The following ELAPOR1 variants were observed in gnomAD, a reference collection of about 807,000 sequenced individuals.
ELAPOR1 encodes the protein endosome-lysosome associated apoptosis and autophagy regulator 1.
ELAPOR1 carries 77 observed loss-of-function variants against 119.7 expected under a neutral mutation model. That is an observed-to-expected ratio of 0.64 (90% CI 0.54 to 0.78). The LOEUF (loss-of-function observed/expected upper bound fraction) is 0.78, where lower values mean the gene tolerates loss of function less well. ELAPOR1 is among the 30% of genes least tolerant of loss of function. The pLI, the probability that ELAPOR1 is intolerant of heterozygous loss-of-function variation, is 0.00. For missense variants in ELAPOR1, 1,115 were observed against 1,270.4 expected (o/e 0.88, Z 1.86); for synonymous variants, 481 against 487.2 (o/e 0.99, Z 0.17).
In ELAPOR1 at chr1:109,203,042, A is replaced by G; in HGVS notation, c.*30A>G. The G allele has an allele frequency of 6.7e-7, 1 of 1,503,142 alleles. No homozygotes were observed. The highest frequency in any genetic ancestry group is 9.2e-7 in the Non-Finnish European group (1 of 1,081,976). 93.1% of individuals were successfully genotyped at this position (1,503,142 alleles called of 1,614,324 possible). On this transcript the variant is annotated 3_prime_UTR_variant, in exon 22 of 22. Transcript: ENST00000369939. ...CACTGCCTGCCTCACCTGCCTCCTC[A>G]CCTTGCATAGCACCTTTGCAAGCCT... is the stretch of plus-strand genomic sequence containing the variant.
chr1:109,137,648 C>T (rs954568785), intron 1 of ELAPOR1, among the ~76,000 whole-genome samples: 1 of 152,036 alleles, frequency 6.6e-6, no homozygotes, highest in Non-Finnish European at 1.5e-5. Context: ...CTGCCTCAGC[C>T]TTCCTAAGTA....
chr1:109,194,084 G>A (rs1653621675), intron 14 of ELAPOR1, among the ~76,000 whole-genome samples: 1 of 152,130 alleles, frequency 6.6e-6, no homozygotes, highest in African/African-American at 2.4e-5. Context: ...GTGCCTCATT[G>A]TCTTCTGCTG....
At chr1:109,198,967 G>C (rs1048713176) in intron 18 of ELAPOR1, among the ~76,000 whole-genome samples, 7 of 152,170 alleles carry the variant, frequency 4.6e-5, no homozygotes, top group African/African-American at 1.7e-4. Context: ...CCACTAACCA[G>C]CTATGTTATC....
intron 15 of ELAPOR1, 60 bp from the exon 16 acceptor site, chr1:109,197,414 T>C: frequency 6.8e-7 from 1 of 1,476,476 alleles, no homozygotes; most frequent in Non-Finnish European, 9.4e-7. Flanking sequence ...TATTCCCTTC[T>C]GGGAATTCCT....
chr1:109,177,259 A>G (rs1465171475), intron 7 of ELAPOR1, among the ~76,000 whole-genome samples: 2 of 141,800 alleles, frequency 1.4e-5, no homozygotes, highest in African/African-American at 5.5e-5. Context: ...TCCCTCCCGG[A>G]CGGGGCGGCT....
At chr1:109,194,872 C>T (rs1311158239) in intron 15 of ELAPOR1, among the ~76,000 whole-genome samples, 1 of 152,164 alleles carries the variant, frequency 6.6e-6, no homozygotes, top group Non-Finnish European at 1.5e-5. Flanking sequence ...CTTTGGGAGG[C>T]CGAGACGGGC....
At chr1:109,198,246 T>G (rs1387527621) in intron 17 of ELAPOR1, among the ~76,000 whole-genome samples, 171 bp downstream of exon 17, 1 of 152,180 alleles carries the variant, frequency 6.6e-6, no homozygotes, top group Admixed American at 6.5e-5. Flanking sequence ...GATCCCAGCT[T>G]CCTGGATATT....
At chr1:109,158,406 G>C (rs373914026) in intron 1 of ELAPOR1, among the ~76,000 whole-genome samples, 1 of 149,888 alleles carries the variant, frequency 6.7e-6, no homozygotes, top group Admixed American at 6.7e-5. Context: ...TTCTAGAACT[G>C]AAAGATCAGT....
At chr1:109,134,968 G>A (rs927464164) in intron 1 of ELAPOR1, among the ~76,000 whole-genome samples, 1 of 152,130 alleles carries the variant, frequency 6.6e-6, no homozygotes, top group Non-Finnish European at 1.5e-5. Context: ...TAATTTTTCA[G>A]CATAAATAAT....
chr1:109,145,316 G>A (rs1299969515), intron 1 of ELAPOR1, among the ~76,000 whole-genome samples: 1 of 152,160 alleles, frequency 6.6e-6, no homozygotes, highest in African/African-American at 2.4e-5. Flanking sequence ...ATCACCCAGT[G>A]TTAGGTAATT....
intron 11 of ELAPOR1, among the ~76,000 whole-genome samples, chr1:109,191,016 A>G (rs1369428051): frequency 1.3e-5 from 2 of 152,180 alleles, no homozygotes; most frequent in Non-Finnish European, 2.9e-5. Context: ...TGCAGTTCTA[A>G]TAAACTCTGG....
At chr1:109,140,232 A>G (rs1207940604) in intron 1 of ELAPOR1, among the ~76,000 whole-genome samples, 1 of 152,148 alleles carries the variant, frequency 6.6e-6, no homozygotes, top group Non-Finnish European at 1.5e-5. Flanking sequence ...ATCTGTACAT[A>G]TTGGCTCTCT....
chr1:109,123,917 C>T (rs1335632619), intron 1 of ELAPOR1, among the ~76,000 whole-genome samples: 2 of 152,134 alleles, frequency 1.3e-5, no homozygotes, highest in Admixed American at 6.5e-5. Context: ...ATTCTCCTGC[C>T]TCAGCCTCCC....
intron 3 of ELAPOR1, among the ~76,000 whole-genome samples, chr1:109,170,182 G>A (rs775576068): frequency 1.2e-4 from 19 of 152,158 alleles, no homozygotes; most frequent in Non-Finnish European, 1.8e-4. Flanking sequence ...GTAGAGAACC[G>A]CATGCGCATG....
intron 7 of ELAPOR1, among the ~76,000 whole-genome samples, chr1:109,179,409 CAAAAA>C (rs773712424): frequency 3.2e-4 from 16 of 50,446 alleles, no homozygotes; most frequent in Non-Finnish European, 5.6e-4. Flanking sequence ...ACTCTGTCTC[CAAAAA>C]AAAAAAAAAA....
At chr1:109,129,982 C>G (rs1649048616) in intron 1 of ELAPOR1, among the ~76,000 whole-genome samples, 1 of 152,002 alleles carries the variant, frequency 6.6e-6, no homozygotes, top group African/African-American at 2.4e-5. Flanking sequence ...AGGGAAGAAC[C>G]TTCCTTGCCT....
intron 1 of ELAPOR1, among the ~76,000 whole-genome samples, chr1:109,156,223 C>A (rs1357912102): frequency 6.6e-6 from 1 of 151,978 alleles, no homozygotes; most frequent in Non-Finnish European, 1.5e-5. Context: ...ATCAGATCAT[C>A]AGACTTTTAC....
Position 109,200,050 on chromosome 1 carries a change from C to A in ELAPOR1, c.2629-9C>A. 3 of 1,613,430 alleles carry A rather than the reference C, an allele frequency of 1.9e-6. No individual in the cohort carries two copies. The highest frequency in any genetic ancestry group is 2.5e-6 in the Non-Finnish European group (3 of 1,179,410). Reference sequence around the variant, plus strand: ...GGAGATCTGAGTTCCTTGTTTTTCTCCCCAACAGAAGACTACTTACGTGTG... The same window carrying A: ...GGAGATCTGAGTTCCTTGTTTTTCTACCCAACAGAAGACTACTTACGTGTG... On this transcript the variant is annotated splice_polypyrimidine_tract_variant and intron_variant, in intron 19 of 21. Coordinates refer to ENST00000369939, the MANE Select transcript of ELAPOR1 (RefSeq NM_020775.5).
At chr1:109,186,119 G>T (rs1479985433) in intron 8 of ELAPOR1, among the ~76,000 whole-genome samples, 2 of 151,634 alleles carry the variant, frequency 1.3e-5, no homozygotes, top group African/African-American at 4.9e-5. Context: ...GAAGGAGGGT[G>T]GTGCCACTAT....
Sources: gnomAD v4.1 joint callset for allele counts (sites outside exome capture counted in the v4.1 genomes callset) on GRCh38, gnomAD v4.1.1 for gene constraint, MANE v1.5 for transcripts, NCBI Gene and HGNC (gene_info 2026-07-23, HGNC 2026-07-21) for gene names.